SORCS1: variants seen among roughly 807,000 people sequenced by gnomAD.
SORCS1 encodes the protein VPS10 domain-containing receptor SorCS1.
SORCS1 carries 60 observed loss-of-function variants against 146.1 expected under a neutral mutation model. The observed-to-expected ratio is 0.41, with a 90% CI of 0.33 to 0.51. The LOEUF (loss-of-function observed/expected upper bound fraction) is 0.51, where lower values mean the gene tolerates loss of function less well. SORCS1 is among the 20% of genes least tolerant of loss of function. The probability of loss-of-function intolerance (pLI) is 0.21; values close to 1 mark genes in which losing one functional copy is unlikely to be tolerated. For synonymous variants in SORCS1, 637 were observed against 584.0 expected, an observed-to-expected ratio of 1.09 and a Z score of -1.31; for missense variants, 1,352 against 1,487.6, an observed-to-expected ratio of 0.91 and a Z score of 1.50.
At chr10:106,928,620 C>T (rs1002663082) in intron 2 of SORCS1, among the ~76,000 whole-genome samples, 2 of 152,194 alleles carry the variant, frequency 1.3e-5, no homozygotes, top group African/African-American at 2.4e-5. Flanking sequence ...TGAGAGCGAG[C>T]GAGGGCTGTG....
chr10:106,963,394 T>C (rs1955353765), intron 1 of SORCS1, among the ~76,000 whole-genome samples: 1 of 152,066 alleles, frequency 6.6e-6, no homozygotes, highest in Non-Finnish European at 1.5e-5. Flanking sequence ...GGATTACAGG[T>C]GTGAGGCACC....
intron 1 of SORCS1, among the ~76,000 whole-genome samples, chr10:106,987,420 T>G (rs1453819755): frequency 6.6e-6 from 1 of 152,208 alleles, no homozygotes; most frequent in Non-Finnish European, 1.5e-5. Context: ...AGCAAGTATT[T>G]CACTCAGATT....
intron 12 of SORCS1, among the ~76,000 whole-genome samples, chr10:106,678,663 T>C (rs1486347240): frequency 6.6e-6 from 1 of 152,170 alleles, no homozygotes; most frequent in Non-Finnish European, 1.5e-5. Context: ...AAGCTATGGG[T>C]ATCTAATTTT....
chr10:106,621,473 T>C (rs771398819), intron 19 of SORCS1, among the ~76,000 whole-genome samples: 10 of 151,486 alleles, frequency 6.6e-5, no homozygotes, highest in African/African-American at 2.4e-4. Context: ...TTTCCCAGAG[T>C]CCTGTGTTGA....
chr10:106,656,394 C>T (rs1850289612), intron 17 of SORCS1, among the ~76,000 whole-genome samples: 1 of 151,978 alleles, frequency 6.6e-6, no homozygotes, highest in South Asian at 2.1e-4. Context: ...ACTAAAAATA[C>T]AAAAAAATTA....
rs1844488493 is a variant in SORCS1, at chr10:106,574,303, T to C, written c.*3117A>G. Reference sequence around the variant, plus strand: ...AACATGCACAGTTTGCCTTCTGGGATTTTGGAAAACGTTGCAGTATCGGAT... The same window carrying C: ...AACATGCACAGTTTGCCTTCTGGGACTTTGGAAAACGTTGCAGTATCGGAT... On this transcript the variant is annotated 3_prime_UTR_variant, in exon 26 of 26. Transcript: ENST00000263054. The C allele has an allele frequency of 6.6e-6, 1 of 152,628 alleles. No homozygotes were observed. Among genetic ancestry groups the C allele is most frequent in the South Asian group, 2.1e-4 (1 of 4,830 alleles). The allele number at this position is 152,628 out of a possible 1,614,324, so 9.5% of individuals were successfully genotyped here.
At chr10:106,614,353 C>A (rs1318522304) in intron 21 of SORCS1, among the ~76,000 whole-genome samples, 1 of 152,294 alleles carries the variant, frequency 6.6e-6, no homozygotes, top group East Asian at 1.9e-4. Context: ...TTCACTTGTA[C>A]ATTTCCTAAC....
At chr10:106,580,906 A>T (rs1844862306) in intron 24 of SORCS1, among the ~76,000 whole-genome samples, 1 of 152,112 alleles carries the variant, frequency 6.6e-6, no homozygotes, top group Admixed American at 6.6e-5. Context: ...GGCACTGAAT[A>T]TAAGGAACCC....
chr10:106,609,192 C>G (rs1846807507), intron 22 of SORCS1, among the ~76,000 whole-genome samples: 1 of 152,210 alleles, frequency 6.6e-6, no homozygotes, highest in South Asian at 2.1e-4. Flanking sequence ...CTCTGTACCT[C>G]CCTTCTCCAG....
chr10:106,945,504 G>T (rs1462360993), intron 2 of SORCS1, among the ~76,000 whole-genome samples: 1 of 152,200 alleles, frequency 6.6e-6, no homozygotes, highest in Non-Finnish European at 1.5e-5. Context: ...AAGGTAACTG[G>T]ATGGTGGTGA....
At chr10:107,155,796 G>A (rs1184575824) in intron 1 of SORCS1, among the ~76,000 whole-genome samples, 1 of 152,168 alleles carries the variant, frequency 6.6e-6, no homozygotes, top group Non-Finnish European at 1.5e-5. Context: ...AAGATGACTA[G>A]AGGCGTCAAT....
chr10:106,775,656 A>G lies in SORCS1; in HGVS notation c.885+878T>C, dbSNP rs560051477. On this transcript the variant is annotated intron_variant, in intron 4 of 25. Coordinates refer to ENST00000263054, the MANE Select transcript of SORCS1 (RefSeq NM_052918.5). ...ATAATTTCTAATTCATGATCCCTCT[A>G]AGGAGAATTCTCAGAATGACTTCAC... Among the ~76,000 whole-genome samples the G allele has an allele frequency of 2.0e-5, 3 of 152,318 alleles. No homozygotes were observed. In the South Asian group the frequency reaches 6.2e-4, roughly 32 times the overall value.
intron 2 of SORCS1, among the ~76,000 whole-genome samples, chr10:106,925,812 G>A (rs967946998): frequency 6.6e-6 from 1 of 152,162 alleles, no homozygotes; most frequent in South Asian, 2.1e-4. Flanking sequence ...AGAGCCCAAC[G>A]GAGGGTCCAT....
chr10:106,643,038 A>G (rs1293119203), intron 18 of SORCS1, among the ~76,000 whole-genome samples: 1 of 152,214 alleles, frequency 6.6e-6, no homozygotes, highest in Non-Finnish European at 1.5e-5. Context: ...TAGGAGCTAC[A>G]TGAAGTTCTT....
chr10:106,665,608 C>G lies in SORCS1; in HGVS notation c.2303+2081G>C, dbSNP rs181451150. On this transcript the variant is annotated intron_variant, in intron 17 of 25. Coordinates refer to ENST00000263054, the MANE Select transcript of SORCS1 (RefSeq NM_052918.5). ...TTCCCATGTACTCATTACCCATCTC[C>G]AAAAATTATCAATACTTATCTGCTT... Among the ~76,000 whole-genome samples, 43 of 152,140 alleles carry G rather than the reference C, an allele frequency of 2.8e-4. 1 individual carries two copies. In the East Asian group the frequency reaches 8.1e-3, roughly 29 times the overall value.
At chr10:106,775,093 T>C (rs1457019286) in intron 4 of SORCS1, among the ~76,000 whole-genome samples, 1 of 152,228 alleles carries the variant, frequency 6.6e-6, no homozygotes, top group Non-Finnish European at 1.5e-5. Flanking sequence ...AAGGGTTACA[T>C]ATTTGGGCAT....
intron 9 of SORCS1, among the ~76,000 whole-genome samples, chr10:106,691,937 CA>C (rs11315475): frequency 0.79 from 119,348 of 152,002 alleles, 49,323 homozygotes; most frequent in Non-Finnish European, 0.92. Context: ...TGACCTCTCA[CA>C]TTATGGTCTC....
chr10:107,032,806 C>T (rs1162433383), intron 1 of SORCS1, among the ~76,000 whole-genome samples: 2 of 152,108 alleles, frequency 1.3e-5, no homozygotes, highest in South Asian at 2.1e-4. Flanking sequence ...CCTTCCCACC[C>T]TCTCTTCACT....
chr10:106,654,941 C>G (rs1424637009), intron 17 of SORCS1, among the ~76,000 whole-genome samples: 1 of 152,060 alleles, frequency 6.6e-6, no homozygotes, highest in Non-Finnish European at 1.5e-5. Context: ...ACTGCAGCTT[C>G]CACCTCCTGG....
Sources: gnomAD v4.1 joint callset for allele counts (sites outside exome capture counted in the v4.1 genomes callset) on GRCh38, gnomAD v4.1.1 for gene constraint, MANE v1.5 for transcripts, NCBI Gene and HGNC (gene_info 2026-07-23, HGNC 2026-07-21) for gene names.